The following KIAA1671 variants were observed in gnomAD, a reference collection of about 807,000 sequenced individuals.
KIAA1671 encodes the protein uncharacterized protein KIAA1671.
KIAA1671 carries 52 observed loss-of-function variants against 131.2 expected under a neutral mutation model. That is an observed-to-expected ratio of 0.40 (90% CI 0.32 to 0.50). KIAA1671 has a LOEUF of 0.50. KIAA1671 is among the 20% of genes least tolerant of loss of function. KIAA1671 has a pLI of 0.73. For missense variants in KIAA1671, 2,360 were observed against 2,364.2 expected, an observed-to-expected ratio of 1.00 and a Z score of 0.04; for synonymous variants, 1,003 against 961.6, an observed-to-expected ratio of 1.04 and a Z score of -0.80.
chr22:25,127,369 AG>A (rs1330061426), intron 6 of KIAA1671, among the ~76,000 whole-genome samples: 2 of 152,130 alleles, frequency 1.3e-5, no homozygotes, highest in African/African-American at 4.8e-5. Flanking sequence ...GTGTTTTAAG[AG>A]GGTTAAGCCT....
intron 6 of KIAA1671, among the ~76,000 whole-genome samples, chr22:25,080,313 G>A (rs1377533263): frequency 2.0e-5 from 3 of 152,148 alleles, no homozygotes; most frequent in Non-Finnish European, 4.4e-5. Flanking sequence ...TACTCAGGTG[G>A]GAGGGGAATT....
At chr22:25,118,138 CAA>C (rs56262467) in intron 6 of KIAA1671, among the ~76,000 whole-genome samples, 240 of 117,760 alleles carry the variant, frequency 2.0e-3, no homozygotes, top group East Asian at 9.8e-3. Context: ...AACTCTGTCT[CAA>C]AAAAAAAAAA....
chr22:25,051,626 T>C (rs572081907), intron 6 of KIAA1671: 1 of 152,350 alleles, frequency 6.6e-6, no homozygotes, highest in South Asian at 2.1e-4. Flanking sequence ...CCTCTGCTTT[T>C]TTTCTCACCT....
chr22:25,062,818 A>ACCCCCCCCCCC (rs1568935208), intron 6 of KIAA1671: 2 of 19,360 alleles, frequency 1.0e-4, no homozygotes, highest in Non-Finnish European at 2.2e-4. Flanking sequence ...ACCGGCACCC[A>ACCCCCCCCCCC]CCCCCGCCCC....
At chr22:24,991,617 C>G (rs555785682) in intron 1 of KIAA1671, among the ~76,000 whole-genome samples, 1 of 133,992 alleles carries the variant, frequency 7.5e-6, no homozygotes, top group Non-Finnish European at 1.5e-5. Context: ...CCACCACGCC[C>G]GGCTAATTTT....
At chr22:25,033,244 T>C (rs1464934250) in intron 4 of KIAA1671, among the ~76,000 whole-genome samples, 2 of 151,928 alleles carry the variant, frequency 1.3e-5, no homozygotes, top group Non-Finnish European at 2.9e-5. Flanking sequence ...AAATTTTTTT[T>C]AATTAGCCAG....
intron 6 of KIAA1671, among the ~76,000 whole-genome samples, chr22:25,073,148 G>A (rs967969534): frequency 1.3e-5 from 2 of 152,148 alleles, no homozygotes; most frequent in Non-Finnish European, 2.9e-5. Context: ...GCTCACTGCA[G>A]CCTTGTCCTC....
chr22:25,115,985 A>C (rs775334211), intron 6 of KIAA1671, among the ~76,000 whole-genome samples: 6 of 152,190 alleles, frequency 3.9e-5, no homozygotes, highest in Non-Finnish European at 8.8e-5. Context: ...CATGATGACC[A>C]GGCTGGTCTC....
At chr22:25,059,945 G>A (rs547059088) in intron 6 of KIAA1671, 4 of 152,322 alleles carry the variant, frequency 2.6e-5, no homozygotes, top group Admixed American at 2.0e-4. Context: ...ATTCCTAAAT[G>A]CCAGGCCTCC....
chr22:25,004,956 A>C (rs991466411), intron 1 of KIAA1671, among the ~76,000 whole-genome samples: 1 of 151,346 alleles, frequency 6.6e-6, no homozygotes, highest in Admixed American at 6.6e-5. Context: ...AAAAAGAAAA[A>C]AAAAAGTGTA....
chr22:25,131,407 A>G (rs1932437058), intron 6 of KIAA1671, among the ~76,000 whole-genome samples: 1 of 152,242 alleles, frequency 6.6e-6, no homozygotes, highest in South Asian at 2.1e-4. Context: ...GGGCCTAGCA[A>G]GGTCCCTGCT....
intron 7 of KIAA1671, 35 bp from the exon 8 acceptor site, chr22:25,174,205 A>G (rs1173281135): frequency 6.5e-7 from 1 of 1,548,690 alleles, no homozygotes; most frequent in Non-Finnish European, 8.7e-7. Flanking sequence ...AACGTTCTCC[A>G]TAACCATGTC....
chr22:25,121,618 A>G (rs1931949248), intron 6 of KIAA1671, among the ~76,000 whole-genome samples: 1 of 152,236 alleles, frequency 6.6e-6, no homozygotes, highest in Non-Finnish European at 1.5e-5. Flanking sequence ...ATTTGGTGGT[A>G]TAAATACTCC....
Position 25,039,882 on chromosome 22 carries a change from A to C in KIAA1671, c.2752A>C (p.Arg918=). 2 of 1,551,486 alleles carry C rather than the reference A, an allele frequency of 1.3e-6. No homozygotes were observed. Among genetic ancestry groups the C allele is most frequent in the Non-Finnish European group, 8.7e-7 (1 of 1,146,956 alleles). Residue 918 remains arginine (R), a synonymous_variant, in exon 5 of 13, where the codon AGG becomes CGG. Coordinates refer to ENST00000358431, the MANE Select transcript of KIAA1671 (RefSeq NM_001145206.2). ...GAAAGGGCCCTTCATTGTAGCCGCC[A>C]GGGAGGGTGATCCAGGGCCGGCCCA... ...VQKGPFIVAA[R]EGDPGPAQVP... is the part of the protein sequence containing the mutation.
intron 6 of KIAA1671, among the ~76,000 whole-genome samples, chr22:25,162,266 G>T (rs9624738): frequency 0.12 from 17,772 of 152,198 alleles, 1,061 homozygotes; most frequent in South Asian, 0.19. Context: ...AGCTGCCTGG[G>T]CCCACAGGGG....
At chr22:25,113,636 G>A (rs1931503662) in intron 6 of KIAA1671, among the ~76,000 whole-genome samples, 1 of 152,208 alleles carries the variant, frequency 6.6e-6, no homozygotes, top group East Asian at 1.9e-4. Context: ...AGGTCACGCA[G>A]CAGCCAGAGC....
intron 6 of KIAA1671, among the ~76,000 whole-genome samples, chr22:25,164,960 A>AGAG (rs57913075): frequency 0.35 from 46,901 of 134,024 alleles, 10,194 homozygotes; most frequent in African/African-American, 0.62. Flanking sequence ...AAAAAAAAAA[A>AGAG]AGAGAGAGAG....
rs1932423635 is a variant in KIAA1671, at chr22:25,131,164, G to A, written c.4531-39656G>A. The stretch of plus-strand genomic sequence containing the variant: ...ACTCAGAGTTCTTAGCATTTCGTAT[G>A]GTGATTTCCATGCAGTGATGAGGAG... On this transcript the variant is annotated intron_variant, in intron 6 of 12. Transcript: ENST00000358431. Among the ~76,000 whole-genome samples, 5 of 152,250 alleles carry A rather than the reference G, an allele frequency of 3.3e-5. No homozygotes were observed. The South Asian group carries it at 1.0e-3, about 32-fold the overall frequency.
chr22:25,170,781 T>G (rs775943413), intron 6 of KIAA1671, 39 bp from the exon 7 acceptor site: 45 of 1,543,320 alleles, frequency 2.9e-5, no homozygotes, highest in Non-Finnish European at 3.9e-5. Flanking sequence ...TCTGAGTACA[T>G]TTCCTGGTAG....
Sources: gnomAD v4.1 joint callset for allele counts (sites outside exome capture counted in the v4.1 genomes callset) on GRCh38, gnomAD v4.1.1 for gene constraint, MANE v1.5 for transcripts, NCBI Gene and HGNC (gene_info 2026-07-23, HGNC 2026-07-21) for gene names.